Variants in DOCK1 observed in about 807,000 individuals in gnomAD.
The protein encoded by DOCK1 is dedicator of cytokinesis 1, also known as dedicator of cytokinesis protein 1.
Under a neutral mutation model 262.7 loss-of-function variants are expected in DOCK1, and 138 were observed. The ratio of observed to expected loss-of-function variants is 0.53; its 90% CI spans 0.46 to 0.61. The LOEUF is 0.61. Among genes scored for constraint, DOCK1 ranks in the 20% least tolerant of loss-of-function variants. The pLI is 0.00. For missense variants in DOCK1, 1,908 were observed against 2,370.7 expected, an observed-to-expected ratio of 0.80 and a Z score of 4.05; for synonymous variants, 866 against 867.4, an observed-to-expected ratio of 1.00 and a Z score of 0.03.
chr10:127,367,682 C>T (rs1008090716), intron 33 of DOCK1, among the ~76,000 whole-genome samples: 6 of 152,156 alleles, frequency 3.9e-5, no homozygotes, highest in Non-Finnish European at 7.4e-5. Context: ...TCCCTCCTAC[C>T]TTCAAAGTCA....
rs771172743 is a variant in DOCK1 at position 127,070,504 on chromosome 10, G to A, written c.2445+8728G>A. Among the ~76,000 whole-genome samples the A allele has an allele frequency of 8.2e-4, 124 of 151,796 alleles. 1 individual carries two copies. The highest frequency in any genetic ancestry group is 5.3e-4 in the Admixed American group (8 of 15,218). On this transcript the variant is annotated intron_variant, in intron 23 of 51. Transcript: ENST00000623213. Reference sequence around the variant, plus strand: ...CCTGACCTTGTGATCTGCCCGCCTCGGCCTCCCAAAGTGCTGGGATTATAG... The same window carrying A: ...CCTGACCTTGTGATCTGCCCGCCTCAGCCTCCCAAAGTGCTGGGATTATAG...
chr10:127,253,535 A>C (rs1190335428), intron 28 of DOCK1, among the ~76,000 whole-genome samples: 2 of 152,136 alleles, frequency 1.3e-5, no homozygotes, highest in African/African-American at 4.8e-5. Flanking sequence ...TTCTCTTTCC[A>C]CTGTGGATCA....
At chr10:127,373,682 T>A in intron 33 of DOCK1, 99 bp from the exon 34 acceptor site, 2 of 1,104,510 alleles carry the variant, frequency 1.8e-6, no homozygotes, top group South Asian at 2.8e-5. Context: ...TAGCCATCTA[T>A]GATGATCTCT....
chr10:127,072,344 C>T (rs1232024390), intron 23 of DOCK1, among the ~76,000 whole-genome samples: 3 of 152,224 alleles, frequency 2.0e-5, no homozygotes, highest in Non-Finnish European at 4.4e-5. Flanking sequence ...TCTGTATTCT[C>T]ATGGTGGTTC....
rs547210300 is a variant in DOCK1, at chr10:127,362,129, G to C, written c.3349G>C (p.Glu1117Gln). The change falls in exon 33 of 52, where the codon GAG (glutamate) becomes CAG (glutamine). Residue 1117 changes from glutamate to glutamine, a missense_variant. Glu to Gln is a conservative substitution (Grantham distance 29). Coordinates refer to ENST00000623213, the MANE Select transcript of DOCK1 (RefSeq NM_001290223.2). ...GPILEMTLIP[E>Q]TELRKATIPI... ...AATATTAGAAATGACATTAATTCCCGAGACGGAGCTGCGCAAAGCCACCAT... is the reference window on the plus strand; with the variant it reads ...AATATTAGAAATGACATTAATTCCCCAGACGGAGCTGCGCAAAGCCACCAT... 1 of 1,613,766 alleles carries C rather than the reference G, an allele frequency of 6.2e-7. No individual in the cohort carries two copies. Among genetic ancestry groups the C allele is most frequent in the Admixed American group, 1.7e-5 (1 of 59,982 alleles).
chr10:127,176,325 A>G lies in DOCK1; in HGVS notation c.2847+48561A>G, dbSNP rs1358589416. On this transcript the variant is annotated intron_variant, in intron 27 of 51. Coordinates refer to ENST00000623213, the MANE Select transcript of DOCK1 (RefSeq NM_001290223.2). The surrounding 1 kb of genome is among the most constrained non-coding windows in gnomAD (Gnocchi z 4.4). ...CAGGGCGTATTTCATCTCCAGGGCC[A>G]GGCAGGCGGCGGGTTCCACTTCACT... 1.2e-6 allele frequency: 2 copies of G among 1,613,982 alleles called. No individual in the cohort carries two copies. Among genetic ancestry groups the G allele is most frequent in the East Asian group, 2.2e-5 (1 of 44,868 alleles).
chr10:127,287,217 T>G lies in DOCK1; in HGVS notation c.3044+29788T>G, dbSNP rs563507534. On this transcript the variant is annotated intron_variant, in intron 29 of 51. Transcript: ENST00000623213. ...CCACTGCGCCTGGCCTTTTTTTTTTTTGAAGTACATGATCTCACTCTGTTG... is the reference window on the plus strand; with the variant it reads ...CCACTGCGCCTGGCCTTTTTTTTTTGTGAAGTACATGATCTCACTCTGTTG... Among the ~76,000 whole-genome samples the G allele has an allele frequency of 2.0e-5, 3 of 151,942 alleles. No individual in the cohort carries two copies. In the East Asian group the frequency reaches 5.8e-4, roughly 29 times the overall value.
chr10:127,384,704 A>G (rs2066006786), intron 37 of DOCK1, 86 bp from the exon 38 acceptor site: 9 of 1,410,878 alleles, frequency 6.4e-6, no homozygotes, highest in Non-Finnish European at 7.4e-6. Context: ...CGCGGCCCAC[A>G]CGCGTGTCCG....
Position 127,176,451 on chromosome 10 carries a change from C to A in DOCK1, c.2847+48687C>A. 2 of 1,446,610 alleles carry A rather than the reference C, an allele frequency of 1.4e-6. No individual in the cohort carries two copies. The highest frequency in any genetic ancestry group is 1.3e-5 in the South Asian group (1 of 75,482). 89.6% of individuals were successfully genotyped at this position (1,446,610 alleles called of 1,614,324 possible). On this transcript the variant is annotated intron_variant, in intron 27 of 51. Transcript: ENST00000623213. The surrounding 1 kb of genome is among the most constrained non-coding windows in gnomAD (Gnocchi z 4.4). The stretch of plus-strand genomic sequence containing the variant: ...TGTCAGTGGGACAGAAATACACACT[C>A]AAGCACCGGCCGCACAAACTTTTAG...
intron 35 of DOCK1, among the ~76,000 whole-genome samples, chr10:127,377,355 C>G (rs761097142): frequency 5.9e-5 from 9 of 152,034 alleles, no homozygotes; most frequent in Non-Finnish European, 8.8e-5. Flanking sequence ...GTATAACCAT[C>G]TCTAAATGAA....
Position 127,012,287 on chromosome 10 carries a change from T to A in DOCK1, c.1114T>A (p.Ser372Thr). ...HKPLNMSSRF[S>T]PRVAGENDFL... is the part of the protein sequence containing the mutation. ...GCCGCTGAACATGTCATCCCGTTTTTCACCCAGGGTGGCAGGGGAGAATGA... is the reference window on the plus strand; with the variant it reads ...GCCGCTGAACATGTCATCCCGTTTTACACCCAGGGTGGCAGGGGAGAATGA... Residue 372 changes from serine (S) to threonine (T), a missense_variant, in exon 12 of 52, where the codon TCA (serine) becomes ACA (threonine). Ser to Thr is a moderately conservative substitution (Grantham distance 58). This residue lies in a region of DOCK1 where 57 missense variants were observed against 39.7 expected (regional missense o/e 1.44). Coordinates refer to ENST00000623213, the MANE Select transcript of DOCK1 (RefSeq NM_001290223.2). The surrounding 1 kb of genome is among the most constrained non-coding windows in gnomAD (Gnocchi z 4.0). 1.2e-6 allele frequency: 2 copies of A among 1,614,038 alleles called. No homozygotes were observed. Among genetic ancestry groups the A allele is most frequent in the Non-Finnish European group, 8.5e-7 (1 of 1,179,890 alleles).
At chr10:126,906,858 G>A (rs931965461) in intron 1 of DOCK1, among the ~76,000 whole-genome samples, 3 of 152,218 alleles carry the variant, frequency 2.0e-5, no homozygotes, top group South Asian at 4.1e-4. Flanking sequence ...CACGGGGACA[G>A]TCCTGGGACA....
At chr10:127,237,385 G>C (rs1327199194) in intron 27 of DOCK1, among the ~76,000 whole-genome samples, 1 of 145,194 alleles carries the variant, frequency 6.9e-6, no homozygotes, top group Non-Finnish European at 1.5e-5. Flanking sequence ...AAAAGACAAA[G>C]AGTATTATAA....
In DOCK1 at chr10:127,374,279, G is replaced by A. The variant is rs1394500434; in HGVS notation, c.3675+65G>A. ...CACACCAGAAACTGAAGCGGGGATTGCCCCAGCCCTTATCTATGACAGTCA... is the reference window on the plus strand; with the variant it reads ...CACACCAGAAACTGAAGCGGGGATTACCCCAGCCCTTATCTATGACAGTCA... On this transcript the variant is annotated intron_variant, in intron 35 of 51. Coordinates refer to ENST00000623213, the MANE Select transcript of DOCK1 (RefSeq NM_001290223.2). 4 of 1,517,326 alleles carry A rather than the reference G, an allele frequency of 2.6e-6. No homozygotes were observed. The East Asian group carries it at 9.4e-5, about 36-fold the overall frequency. 94.0% of individuals were successfully genotyped at this position (1,517,326 alleles called of 1,614,324 possible). A position where few individuals can be genotyped will look rare whatever the true frequency, so the allele number is the denominator to read the frequency against.
intron 6 of DOCK1, among the ~76,000 whole-genome samples, chr10:126,991,999 C>CT (rs2039825602): frequency 6.6e-6 from 1 of 152,138 alleles, no homozygotes. Context: ...ATCAAGGAAC[C>CT]TTTCTGTAAA....
intron 27 of DOCK1, among the ~76,000 whole-genome samples, chr10:127,219,087 G>A (rs935169290): frequency 5.3e-5 from 8 of 152,186 alleles, no homozygotes; most frequent in African/African-American, 1.9e-4. Context: ...CTGTAGCAAG[G>A]ACTAACTTCT....
At chr10:127,034,559 C>A (rs1485724976) in intron 18 of DOCK1, among the ~76,000 whole-genome samples, 1 of 152,134 alleles carries the variant, frequency 6.6e-6, no homozygotes, top group Admixed American at 6.5e-5. Flanking sequence ...TCCCCTGTGA[C>A]ATGTTAGTCT....
At chr10:126,977,922 A>G in intron 2 of DOCK1, 26 bp from the exon 3 acceptor site, 3 of 1,613,474 alleles carry the variant, frequency 1.9e-6, no homozygotes, top group Non-Finnish European at 2.5e-6. Context: ...CTTTGTACTA[A>G]CTGTTTCAAC....
intron 27 of DOCK1, among the ~76,000 whole-genome samples, chr10:127,203,214 C>T (rs2057551809): frequency 6.6e-6 from 1 of 152,230 alleles, no homozygotes. Flanking sequence ...ACTTCACACC[C>T]TTCTGGTGCC....
Sources: gnomAD v4.1 joint callset for allele counts (sites outside exome capture counted in the v4.1 genomes callset) on GRCh38, gnomAD v4.1.1 for gene constraint, gnomAD v4.1.1 regional missense constraint, Gnocchi (gnomAD v3.1) non-coding constraint, MANE v1.5 for transcripts, NCBI Gene and HGNC (gene_info 2026-07-23, HGNC 2026-07-21) for gene names.